Variants in TENM2 observed in about 807,000 individuals in gnomAD.
TENM2 encodes teneurin-2.
TENM2 carries 52 observed loss-of-function variants against 245.2 expected under a neutral mutation model. That is an observed-to-expected ratio of 0.21 (90% confidence interval 0.17 to 0.27). The LOEUF (loss-of-function observed/expected upper bound fraction) is 0.27, where lower values mean the gene tolerates loss of function less well. TENM2 is among the 10% of genes least tolerant of loss of function. The pLI, the probability that TENM2 is intolerant of heterozygous loss-of-function variation, is 1.00. For synonymous variants in TENM2, 1,363 were observed against 1,438.9 expected (o/e 0.95, Z 1.19); for missense variants, 3,046 against 3,666.8 (o/e 0.83, Z 4.37).
At chr5:167,084,366 T>TACAC in the TENM2 span, among the ~76,000 whole-genome samples, 8 of 114,898 alleles carry the variant, frequency 7.0e-5, 1 homozygote, top group Non-Finnish European at 1.5e-4. Context: ...TATATATATA[T>TACAC]ACAGATCAGA....
At chr5:167,117,482 G>A in the TENM2 span, among the ~76,000 whole-genome samples, 186 of 152,058 alleles carry the variant, frequency 1.2e-3, 2 homozygotes, top group African/African-American at 4.0e-3. Flanking sequence ...CAGCCTGGGC[G>A]ACAGAGCGAG....
chr5:167,534,590 T>C (rs1000260825), intron 2 of TENM2, among the ~76,000 whole-genome samples: 25 of 152,140 alleles, frequency 1.6e-4, no homozygotes, highest in Admixed American at 9.2e-4. Flanking sequence ...CGATGTGGAG[T>C]GCCACAGGAA....
At position 167,998,757 on chromosome 5, in the gene TENM2, T is replaced by G. The variant is rs533365838; in HGVS notation, c.1186+5575T>G. Among the ~76,000 whole-genome samples, 10 of 152,220 alleles carry G rather than the reference T, an allele frequency of 6.6e-5. No homozygotes were observed. The South Asian group carries it at 2.1e-3, about 31-fold the overall frequency. On this transcript the variant is annotated intron_variant, in intron 5 of 28. Transcript: ENST00000518659. ...CCTGCCAAATGTGAAATACTATGTT[T>G]GAAGTTAGCTGCTCAACACTCTGTC...
chr5:167,834,985 G>A (rs1050450674), intron 2 of TENM2, among the ~76,000 whole-genome samples: 19 of 152,196 alleles, frequency 1.2e-4, no homozygotes, highest in African/African-American at 4.6e-4. Context: ...GGGACAAAGT[G>A]TTGGAGAGAA....
intron 1 of TENM2, among the ~76,000 whole-genome samples, chr5:167,351,368 G>C (rs1212450797): frequency 1.3e-5 from 2 of 151,994 alleles, no homozygotes; most frequent in East Asian, 3.9e-4. Context: ...GCATCATCAG[G>C]GAAAGAGAAC....
At chr5:167,317,752 C>T (rs890693400) in intron 1 of TENM2, among the ~76,000 whole-genome samples, 1 of 152,138 alleles carries the variant, frequency 6.6e-6, no homozygotes, top group Non-Finnish European at 1.5e-5. Flanking sequence ...TTTCCTGTTC[C>T]TTTCCCTAAA....
At chr5:167,639,543 C>A (rs1211461798) in intron 2 of TENM2, among the ~76,000 whole-genome samples, 1 of 152,168 alleles carries the variant, frequency 6.6e-6, no homozygotes, top group Non-Finnish European at 1.5e-5. Context: ...TGGTTTATAT[C>A]ATAGGGTCTT....
chr5:167,270,480 G>A, the TENM2 span, among the ~76,000 whole-genome samples: 1 of 152,216 alleles, frequency 6.6e-6, no homozygotes, highest in South Asian at 2.1e-4. Context: ...TCCAGAAGTG[G>A]AAACTGAGGC....
chr5:167,073,197 A>T, the TENM2 span, among the ~76,000 whole-genome samples: 1 of 152,106 alleles, frequency 6.6e-6, no homozygotes, highest in Non-Finnish European at 1.5e-5. Context: ...GGTTTGCTTT[A>T]TATGCTCATT....
chr5:167,227,034 C>T, the TENM2 span, among the ~76,000 whole-genome samples: 2 of 144,684 alleles, frequency 1.4e-5, no homozygotes, highest in African/African-American at 2.6e-5. Flanking sequence ...GCTGTCTTTT[C>T]GTTTCTATTT....
At chr5:167,934,515 G>A (rs541732471) in intron 3 of TENM2, among the ~76,000 whole-genome samples, 1 of 152,206 alleles carries the variant, frequency 6.6e-6, no homozygotes, top group South Asian at 2.1e-4. Context: ...TACTTGAAAG[G>A]GTCTGTTTTC....
intron 19 of TENM2, among the ~76,000 whole-genome samples, chr5:168,208,079 CACTA>C (rs1762507466): frequency 6.6e-6 from 1 of 152,106 alleles, no homozygotes; most frequent in Admixed American, 6.6e-5. Context: ...ATTTGTCAGT[CACTA>C]ACATTATAGG....
intron 12 of TENM2, chr5:168,130,110 A>G (rs1754438683): frequency 6.6e-6 from 1 of 152,234 alleles, no homozygotes; most frequent in South Asian, 2.1e-4. Context: ...AGAAATGGGG[A>G]AAAAAGATGA....
At chr5:167,900,420 G>T (rs1214748040) in intron 3 of TENM2, among the ~76,000 whole-genome samples, 1 of 152,180 alleles carries the variant, frequency 6.6e-6, no homozygotes, top group Non-Finnish European at 1.5e-5. Context: ...GGCAAGAGAA[G>T]AAACTTTTCC....
chr5:167,038,008 G>T, the TENM2 span, among the ~76,000 whole-genome samples: 1 of 152,242 alleles, frequency 6.6e-6, no homozygotes, highest in African/African-American at 2.4e-5. Flanking sequence ...TGCCCACTTT[G>T]TGGGAGAACC....
At chr5:167,736,130 C>A (rs1260259863) in intron 2 of TENM2, among the ~76,000 whole-genome samples, 1 of 151,956 alleles carries the variant, frequency 6.6e-6, no homozygotes, top group Non-Finnish European at 1.5e-5. Flanking sequence ...GAAGGAGAAG[C>A]AAACACGTCC....
the TENM2 span, among the ~76,000 whole-genome samples, chr5:166,979,632 G>C: frequency 2.6e-5 from 4 of 152,066 alleles, no homozygotes; most frequent in Non-Finnish European, 5.9e-5. Context: ...TCCTGAATCA[G>C]CTGCAGTTCT....
chr5:167,995,851 C>G (rs938518682), intron 5 of TENM2, among the ~76,000 whole-genome samples: 1 of 152,142 alleles, frequency 6.6e-6, no homozygotes, highest in African/African-American at 2.4e-5. Context: ...TTTGGAGAAC[C>G]AATGATTGTG....
Position 168,162,492 on chromosome 5 carries a change from C to T in TENM2, c.2423-119C>T, listed in dbSNP as rs1434150860. ...GACTCTGTGGAAGGCAGGCGCGGGC[C>T]CCACTGTGAGGCTGGCCCAGCGGCT... On this transcript the variant is annotated intron_variant, in intron 12 of 28. Transcript: ENST00000518659. 4.9e-5 allele frequency: 53 copies of T among 1,075,126 alleles called. 1 individual carries two copies. The Admixed American group carries it at 1.3e-3, about 26-fold the overall frequency. The allele number at this position is 1,075,126 out of a possible 1,614,324, so 66.6% of individuals were successfully genotyped here.
Sources: allele counts gnomAD v4.1 joint callset (sites outside exome capture counted in the v4.1 genomes callset), GRCh38; gene constraint gnomAD v4.1.1; transcripts MANE v1.5; gene names NCBI Gene and HGNC (gene_info 2026-07-23, HGNC 2026-07-21).